ARHGAP39: variants seen among roughly 807,000 people sequenced by gnomAD.
ARHGAP39 encodes the protein Rho GTPase activating protein 39.
Under a neutral mutation model 106.9 loss-of-function variants are expected in ARHGAP39, and 44 were observed. The observed-to-expected ratio is 0.41, with a 90% confidence interval of 0.32 to 0.53. ARHGAP39 has a LOEUF of 0.53. Ranked by LOEUF, ARHGAP39 falls within the 20% of genes least tolerant of loss-of-function variation. The pLI is 0.21. For synonymous variants in ARHGAP39, 768 were observed against 693.2 expected, an observed-to-expected ratio of 1.11 and a Z score of -1.69; for missense variants, 1,496 against 1,577.3, an observed-to-expected ratio of 0.95 and a Z score of 0.87.
At chr8:144,545,104 G>A (rs1817353241) in intron 6 of ARHGAP39, 145 bp downstream of exon 6, 1 of 702,914 alleles carries the variant, frequency 1.4e-6, no homozygotes, top group Non-Finnish European at 2.1e-6. Flanking sequence ...GAGGCCCAGA[G>A]TGTGGGGCGT....
At chr8:144,630,056 G>T (rs961457634) in intron 1 of ARHGAP39, among the ~76,000 whole-genome samples, 1 of 152,184 alleles carries the variant, frequency 6.6e-6, no homozygotes, top group Non-Finnish European at 1.5e-5. Context: ...CCCTGGCAAT[G>T]GTGTGGGACG....
At chr8:144,649,449 CAAAAAATAATAATAATAAAT>C (rs1821524016) in intron 1 of ARHGAP39, among the ~76,000 whole-genome samples, 1 of 150,112 alleles carries the variant, frequency 6.7e-6, no homozygotes, top group East Asian at 2.0e-4. Context: ...GACTCCGTCT[CAAAAAATAATAATAATAAAT>C]AATAGAAATG....
At chr8:144,537,841 G>T in intron 6 of ARHGAP39, 28 bp from the exon 7 acceptor site, 1 of 1,605,128 alleles carries the variant, frequency 6.2e-7, no homozygotes, top group Non-Finnish European at 8.5e-7. Flanking sequence ...CCATCAGCAC[G>T]ACAGAACAAA....
At chr8:144,616,081 G>A (rs181017992) in intron 1 of ARHGAP39, among the ~76,000 whole-genome samples, 4 of 152,346 alleles carry the variant, frequency 2.6e-5, no homozygotes, top group South Asian at 2.1e-4. Context: ...ACCTGGATGC[G>A]CAGAAAAAGA....
At chr8:144,639,342 G>A (rs199620087) in intron 1 of ARHGAP39, among the ~76,000 whole-genome samples, 3,146 of 135,630 alleles carry the variant, frequency 0.023, 160 homozygotes, top group East Asian at 0.21. Flanking sequence ...AAAAAAAAAA[G>A]AAAGAAAGAA....
Position 144,645,164 on chromosome 8 carries a change from C to T in ARHGAP39, c.-81-39469G>A, listed in dbSNP as rs141109623. ...GCTCTGCACAGCTCCAAAACCCCAT[C>T]CCTCTCATACTCAGAGCTGCAGATG... is the stretch of plus-strand genomic sequence containing the variant. On this transcript the variant is annotated intron_variant, in intron 1 of 11. Coordinates refer to ENST00000377307, the MANE Select transcript of ARHGAP39 (RefSeq NM_025251.3). The surrounding 1 kb of genome is among the most constrained non-coding windows in gnomAD (Gnocchi z 4.4). Among the ~76,000 whole-genome samples the T allele has an allele frequency of 1.7e-4, 26 of 152,386 alleles. No individual in the cohort carries two copies. Among genetic ancestry groups the T allele is most frequent in the Non-Finnish European group, 2.6e-4 (18 of 68,044 alleles).
chr8:144,613,674 G>C (rs557054046), intron 1 of ARHGAP39, among the ~76,000 whole-genome samples: 2 of 151,704 alleles, frequency 1.3e-5, no homozygotes, highest in Admixed American at 1.3e-4. Flanking sequence ...TGAGTAACTC[G>C]ATGATGATGT....
Position 144,530,192 on chromosome 8 carries a change from A to C in ARHGAP39, c.*230T>G. The stretch of plus-strand genomic sequence containing the variant: ...GGAGGGCGAGGCGGTGCCCGCGGGA[A>C]CTGGCCGTGAGGTGGGGGGCCAGAG... On this transcript the variant is annotated 3_prime_UTR_variant, in exon 12 of 12. Coordinates refer to ENST00000377307, the MANE Select transcript of ARHGAP39 (RefSeq NM_025251.3). 10 of 526,670 alleles carry C rather than the reference A, an allele frequency of 1.9e-5. No individual in the cohort carries two copies. The highest frequency in any genetic ancestry group is 3.3e-5 in the East Asian group (1 of 30,216). The allele number at this position is 526,670 out of a possible 1,614,324, so 32.6% of individuals were successfully genotyped here.
intron 3 of ARHGAP39, among the ~76,000 whole-genome samples, chr8:144,557,979 C>T (rs893616975): frequency 6.6e-6 from 1 of 152,204 alleles, no homozygotes; most frequent in Admixed American, 6.5e-5. Flanking sequence ...TTAAAACAAT[C>T]GAATGAGAAA....
intron 2 of ARHGAP39, among the ~76,000 whole-genome samples, chr8:144,602,149 CTG>C (rs201597487): frequency 1.7e-3 from 180 of 103,242 alleles, no homozygotes; most frequent in African/African-American, 3.3e-3. Flanking sequence ...GCTCATGTAC[CTG>C]TGTGTGTGTG....
chr8:144,545,791 C>A lies in ARHGAP39; in HGVS notation c.1979G>T (p.Cys660Phe). ...CTGCCGGCTGCTCTCGAACTGGGCA[C>A]AGGCAGCGAGGTCCTCAGACTGAGA... ...HPSQSEDLAA[C>F]AQFESSRQSR... The change falls in exon 6 of 12, where the codon TGT becomes TTT. Residue 660 changes from cysteine (C) to phenylalanine (F), a missense_variant. Around this residue, in one of 4 missense-constraint regions of ARHGAP39, gnomAD observed 905 missense variants for 816.4 expected, o/e 1.11. Transcript: ENST00000377307. 6.4e-7 allele frequency: 1 copy of A among 1,568,728 alleles called. No homozygotes were observed. The highest frequency in any genetic ancestry group is 8.6e-7 in the Non-Finnish European group (1 of 1,158,514).
At chr8:144,677,478 T>C (rs1205251066) in intron 1 of ARHGAP39, among the ~76,000 whole-genome samples, 8 of 152,248 alleles carry the variant, frequency 5.3e-5, no homozygotes, top group African/African-American at 1.9e-4. Flanking sequence ...ATGCTATTTC[T>C]AGGATGGGTC....
intron 1 of ARHGAP39, among the ~76,000 whole-genome samples, chr8:144,680,716 CAAAAG>C (rs1407372010): frequency 1.3e-5 from 2 of 151,950 alleles, no homozygotes; most frequent in Non-Finnish European, 2.9e-5. Flanking sequence ...TCCAAAAACT[CAAAAG>C]AAAAGGAGGG....
At chr8:144,543,702 C>T (rs781002428) in intron 6 of ARHGAP39, among the ~76,000 whole-genome samples, 6 of 152,238 alleles carry the variant, frequency 3.9e-5, no homozygotes, top group African/African-American at 7.2e-5. Context: ...CAAAGGCACA[C>T]GAGCCTAAGT....
At chr8:144,597,039 G>A (rs542170433) in intron 2 of ARHGAP39, among the ~76,000 whole-genome samples, 1 of 152,348 alleles carries the variant, frequency 6.6e-6, no homozygotes, top group Non-Finnish European at 1.5e-5. Context: ...GACGTGGTGA[G>A]GGAGGAGCTG....
At position 144,529,213 on chromosome 8, in the gene ARHGAP39, C is replaced by T. The variant is rs1816541025; in HGVS notation, c.*1209G>A. ...TGTGCACTTTATTCACTCGTGTCGT[C>T]GCCTCTCGGGTCCATGCGTCGGGGC... On this transcript the variant is annotated 3_prime_UTR_variant, in exon 12 of 12. Coordinates refer to ENST00000377307, the MANE Select transcript of ARHGAP39 (RefSeq NM_025251.3). The T allele has an allele frequency of 6.8e-6, 2 of 295,798 alleles. No homozygotes were observed. Among genetic ancestry groups the T allele is most frequent in the Non-Finnish European group, 1.2e-5 (2 of 160,994 alleles). 18.3% of individuals were successfully genotyped at this position (295,798 alleles called of 1,614,324 possible).
chr8:144,622,491 G>A (rs187665985), intron 1 of ARHGAP39, among the ~76,000 whole-genome samples: 49 of 152,046 alleles, frequency 3.2e-4, no homozygotes, highest in Non-Finnish European at 6.5e-4. Flanking sequence ...GGGCCAGAGC[G>A]GCTGTGCCCG....
chr8:144,674,552 C>T (rs887890818), intron 1 of ARHGAP39, among the ~76,000 whole-genome samples: 6 of 152,326 alleles, frequency 3.9e-5, no homozygotes, highest in African/African-American at 1.4e-4. Flanking sequence ...TTACTCTGGT[C>T]CATGGAACTG....
intron 1 of ARHGAP39, among the ~76,000 whole-genome samples, chr8:144,680,954 A>T (rs1343641030): frequency 6.6e-6 from 1 of 152,220 alleles, no homozygotes; most frequent in Non-Finnish European, 1.5e-5. Context: ...GCAGGATGGC[A>T]GGCACCAGTG....
Sources: allele counts gnomAD v4.1 joint callset (sites outside exome capture counted in the v4.1 genomes callset), GRCh38; gene constraint gnomAD v4.1.1; regional missense constraint gnomAD v4.1.1; non-coding constraint Gnocchi (gnomAD v3.1); transcripts MANE v1.5; gene names NCBI Gene and HGNC (gene_info 2026-07-23, HGNC 2026-07-21).